TCFL5: variants seen among roughly 807,000 people sequenced by gnomAD.
The protein encoded by TCFL5 is transcription factor like 5.
Under a neutral mutation model 44.3 loss-of-function variants are expected in TCFL5, and 9 were observed. That is an observed-to-expected ratio of 0.20 (90% CI 0.12 to 0.35). The LOEUF (loss-of-function observed/expected upper bound fraction) is 0.35, where lower values mean the gene tolerates loss of function less well. Ranked by LOEUF, TCFL5 falls within the 10% of genes least tolerant of loss-of-function variation. TCFL5 has a pLI of 1.00. For missense variants in TCFL5, 603 were observed against 613.4 expected, an observed-to-expected ratio of 0.98 and a Z score of 0.18; for synonymous variants, 319 against 271.6, an observed-to-expected ratio of 1.17 and a Z score of -1.72.
In TCFL5 at chr20:62,861,510, T is replaced by C; in HGVS notation, c.161A>G (p.Tyr54Cys). The change falls in exon 1 of 6, where the codon TAC (tyrosine) becomes TGC (cysteine). Residue 54 changes from tyrosine (Y) to cysteine (C), a missense_variant. Tyr to Cys is a radical substitution (Grantham distance 194). Transcript: ENST00000335351. The surrounding 1 kb of genome is among the most constrained non-coding windows in gnomAD (Gnocchi z 4.0). ...GCAGAGGATGTGCTGCAGCTGCGTG[T>C]ACTCCACCTCCGTCATCTCCACCAG... ...LSLVEMTEVE[Y>C]TQLQHILCSH... The C allele has an allele frequency of 8.4e-7, 1 of 1,191,674 alleles. No individual in the cohort carries two copies. Among genetic ancestry groups the C allele is most frequent in the Non-Finnish European group, 1.1e-6 (1 of 945,790 alleles). The allele number at this position is 1,191,674 out of a possible 1,614,324, so 73.8% of individuals were successfully genotyped here.
intron 5 of TCFL5, among the ~76,000 whole-genome samples, chr20:62,849,874 G>A (rs999278661): frequency 6.6e-6 from 1 of 152,120 alleles, no homozygotes. Context: ...AGGATTGCTT[G>A]AGCCCAGGAG....
intron 5 of TCFL5, among the ~76,000 whole-genome samples, chr20:62,851,314 T>C (rs1468045634): frequency 6.6e-6 from 1 of 152,186 alleles, no homozygotes; most frequent in Non-Finnish European, 1.5e-5. Context: ...TTAAGAAATA[T>C]TCAGCAAACA....
Position 62,861,531 on chromosome 20 carries a change from AC to A in TCFL5, c.139del (p.Val47TrpfsTer3). ...LSFTTTDLSLVEMTEVEYTQL... is the reference protein window; with the variant it reads ...LSFTTTDLSLXEMTEVEYTQL... ...CGTGTACTCCACCTCCGTCATCTCC[AC>A]CAGGCTCAGGTCGGTGGTCGTGAAG... On this transcript the variant is annotated frameshift_variant, in exon 1 of 6. Coordinates refer to ENST00000335351, the MANE Select transcript of TCFL5 (RefSeq NM_006602.4). LOFTEE classifies it high-confidence loss of function. The surrounding 1 kb of genome is among the most constrained non-coding windows in gnomAD (Gnocchi z 4.0). The A allele has an allele frequency of 8.6e-7, 1 of 1,166,072 alleles. No homozygotes were observed. The highest frequency in any genetic ancestry group is 1.1e-6 in the Non-Finnish European group (1 of 930,964). The allele number at this position is 1,166,072 out of a possible 1,614,324, so 72.2% of individuals were successfully genotyped here.
At chr20:62,859,178 A>G (rs2063945283) in intron 3 of TCFL5, among the ~76,000 whole-genome samples, 186 bp downstream of exon 3, 1 of 152,252 alleles carries the variant, frequency 6.6e-6, no homozygotes, top group African/African-American at 2.4e-5. Context: ...TTTGAGAATC[A>G]GAATAATGTT....
At chr20:62,853,877 G>A in intron 5 of TCFL5, 139 bp downstream of exon 5, 6 of 870,618 alleles carry the variant, frequency 6.9e-6, no homozygotes, top group Non-Finnish European at 7.1e-6. Context: ...AAAGAGCAGA[G>A]CTTTGCTCAT....
In TCFL5 at chr20:62,849,463, G is replaced by A. The variant is rs1052255089; in HGVS notation, c.1380+4553C>T. Among the ~76,000 whole-genome samples the A allele has an allele frequency of 3.3e-5, 5 of 152,112 alleles. No homozygotes were observed. The East Asian group carries it at 9.7e-4, about 29-fold the overall frequency. Reference sequence around the variant, plus strand: ...CTCAATGCCATAGTTAATAACTGTGGGGGGGATTCTTGTAGCTCAAAGAGC... The same window carrying A: ...CTCAATGCCATAGTTAATAACTGTGAGGGGGATTCTTGTAGCTCAAAGAGC... On this transcript the variant is annotated intron_variant, in intron 5 of 5. Transcript: ENST00000335351.
chr20:62,845,541 T>A, intron 5 of TCFL5: 1 of 1,456,830 alleles, frequency 6.9e-7, no homozygotes, highest in Non-Finnish European at 9.1e-7. Context: ...TTTGGCAAGA[T>A]AGAATTCACC....
At chr20:62,847,554 T>C (rs1438737077) in intron 5 of TCFL5, among the ~76,000 whole-genome samples, 1 of 152,208 alleles carries the variant, frequency 6.6e-6, no homozygotes, top group Non-Finnish European at 1.5e-5. Context: ...TAAGGAGGCA[T>C]AAACTCATTA....
chr20:62,852,312 G>A lies in TCFL5; in HGVS notation c.1380+1704C>T, dbSNP rs1162294164. The A allele has an allele frequency of 1.2e-5, 12 of 985,452 alleles. No individual in the cohort carries two copies. In the South Asian group the frequency reaches 1.9e-4, roughly 15 times the overall value. The allele number at this position is 985,452 out of a possible 1,614,324, so 61.0% of individuals were successfully genotyped here. A position where few individuals can be genotyped will look rare whatever the true frequency, so the allele number is the denominator to read the frequency against. On this transcript the variant is annotated intron_variant, in intron 5 of 5. Coordinates refer to ENST00000335351, the MANE Select transcript of TCFL5 (RefSeq NM_006602.4). ...CCCTGGCCACTGCAACGCTGAGGCCGGGACCTGGAACTCGGGTCCCCCAAA... is the reference window on the plus strand; with the variant it reads ...CCCTGGCCACTGCAACGCTGAGGCCAGGACCTGGAACTCGGGTCCCCCAAA...
rs10708211 is a variant in TCFL5 at position 62,842,280 on chromosome 20, CT to C, written c.1381-184del. ...GATTTATATAATAAACAGATTTTAA[CT>C]TTTTTTTTTTCAAATAGCAGTTACA... On this transcript the variant is annotated intron_variant, in intron 5 of 5. Transcript: ENST00000335351. This position sits in a 1 kb window ranked among gnomAD's most constrained non-coding sequence, Gnocchi z 4.3. 0.29 allele frequency among the ~76,000 whole-genome samples: 43,157 copies of C among 149,616 alleles called. 6,335 individuals are homozygous for C. Among genetic ancestry groups the C allele is most frequent in the African/African-American group, 0.35 (14,331 of 40,850 alleles).
intron 4 of TCFL5, 44 bp from the exon 5 acceptor site, chr20:62,854,201 A>C (rs2063853999): frequency 1.9e-6 from 3 of 1,604,620 alleles, no homozygotes; most frequent in Non-Finnish European, 2.5e-6. Context: ...GACCGGAGCA[A>C]AACAAACATG....
At position 62,841,840 on chromosome 20, in the gene TCFL5, C is replaced by T; in HGVS notation, c.*135G>A. ...TTTACAAAATGTGCTCTCAAAGTCC[C>T]TACTGGAGTCCCGTCAGCTTGAGTC... On this transcript the variant is annotated 3_prime_UTR_variant, in exon 6 of 6. Coordinates refer to ENST00000335351, the MANE Select transcript of TCFL5 (RefSeq NM_006602.4). 8.3e-7 allele frequency: 1 copy of T among 1,198,988 alleles called. No individual in the cohort carries two copies. Among genetic ancestry groups the T allele is most frequent in the Non-Finnish European group, 1.1e-6 (1 of 874,964 alleles). 74.3% of individuals were successfully genotyped at this position (1,198,988 alleles called of 1,614,324 possible).
intron 5 of TCFL5, among the ~76,000 whole-genome samples, chr20:62,849,826 A>G (rs1175726823): frequency 6.6e-6 from 1 of 152,064 alleles, no homozygotes; most frequent in Non-Finnish European, 1.5e-5. Context: ...ATGATGGCAC[A>G]CACCTGAAGT....
At chr20:62,849,961 A>G (rs987828985) in intron 5 of TCFL5, among the ~76,000 whole-genome samples, 1 of 144,850 alleles carries the variant, frequency 6.9e-6, no homozygotes, top group African/African-American at 2.9e-5. Context: ...TCAAAAAAAT[A>G]AAACAAAACA....
Position 62,841,893 on chromosome 20 carries a change from G to A in TCFL5, c.*82C>T. On this transcript the variant is annotated 3_prime_UTR_variant, in exon 6 of 6. Transcript: ENST00000335351. ...GCCCTTTTCGAGTCAGACTAGCCGA[G>A]CAGAGCTCCAGGGTTGCAGAAGGCG... The A allele has an allele frequency of 1.3e-6, 2 of 1,564,514 alleles. No homozygotes were observed. Among genetic ancestry groups the A allele is most frequent in the South Asian group, 2.3e-5 (2 of 85,312 alleles).
chr20:62,861,118 C>A lies in TCFL5; in HGVS notation c.553G>T (p.Val185Phe). The A allele has an allele frequency of 6.0e-6, 6 of 999,006 alleles. No homozygotes were observed. The highest frequency in any genetic ancestry group is 7.1e-6 in the Non-Finnish European group (6 of 840,854). The allele number at this position is 999,006 out of a possible 1,614,324, so 61.9% of individuals were successfully genotyped here. Residue 185 changes from valine (V) to phenylalanine (F), a missense_variant, in exon 1 of 6, where the codon GTC (valine) becomes TTC (phenylalanine). Transcript: ENST00000335351. This position sits in a 1 kb window ranked among gnomAD's most constrained non-coding sequence, Gnocchi z 4.0. ...PEARAKPAVRVRLEDRFNSIP... is the reference protein window; with the variant it reads ...PEARAKPAVRFRLEDRFNSIP... ...CTGTTGAAGCGGTCCTCCAGGCGGACGCGCACGGCCGGCTTGGCCCGGGCC... is the reference window on the plus strand; with the variant it reads ...CTGTTGAAGCGGTCCTCCAGGCGGAAGCGCACGGCCGGCTTGGCCCGGGCC...
intron 5 of TCFL5, chr20:62,845,322 C>G: frequency 5.4e-6 from 5 of 929,628 alleles, no homozygotes; most frequent in Non-Finnish European, 6.7e-6. Flanking sequence ...GGGGTCACAC[C>G]GTATTGGCCA....
chr20:62,859,561 T>C, intron 2 of TCFL5, 35 bp from the exon 3 acceptor site: 2 of 1,592,212 alleles, frequency 1.3e-6, no homozygotes, highest in South Asian at 1.1e-5. Flanking sequence ...ATTTTATCAA[T>C]ATGTGGCTTA....
chr20:62,857,683 T>C (rs761411554), intron 3 of TCFL5, 45 bp from the exon 4 acceptor site: 1 of 1,595,026 alleles, frequency 6.3e-7, no homozygotes, highest in Non-Finnish European at 8.5e-7. Context: ...TGTATTCTTA[T>C]CTCAATTAAT....
Sources: allele counts gnomAD v4.1 joint callset (sites outside exome capture counted in the v4.1 genomes callset), GRCh38; gene constraint gnomAD v4.1.1; non-coding constraint Gnocchi (gnomAD v3.1); transcripts MANE v1.5; gene names NCBI Gene and HGNC (gene_info 2026-07-23, HGNC 2026-07-21).